R3HCC1L: variants seen among roughly 807,000 people sequenced by gnomAD.
R3HCC1L encodes the protein coiled-coil domain-containing protein R3HCC1L.
R3HCC1L carries 51 observed loss-of-function variants against 59.9 expected under a neutral mutation model. The observed-to-expected ratio is 0.85, with a 90% CI of 0.68 to 1.07. The LOEUF (loss-of-function observed/expected upper bound fraction) is 1.07, where lower values mean the gene tolerates loss of function less well. R3HCC1L is among the 50% of genes least tolerant of loss of function. R3HCC1L has a pLI of 0.00. For synonymous variants in R3HCC1L, 322 were observed against 315.2 expected (o/e 1.02, Z -0.23); for missense variants, 965 against 933.0 (o/e 1.03, Z -0.45).
At chr10:98,205,883 C>G (rs1403633705) in intron 4 of R3HCC1L, among the ~76,000 whole-genome samples, 1 of 152,088 alleles carries the variant, frequency 6.6e-6, no homozygotes, top group African/African-American at 2.4e-5. Context: ...GTCATCCAGC[C>G]TTTATCTAAA....
chr10:98,208,770 A>C lies in R3HCC1L; in HGVS notation c.656A>C (p.Glu219Ala), dbSNP rs1256417440. The change falls in exon 5 of 10, where the codon GAG becomes GCG. Residue 219 changes from glutamate (E) to alanine (A), a missense_variant. Transcript: ENST00000298999. Reference protein sequence around the residue: ...TDTKVLEILYEFPRVFSSVMK... With the variant: ...TDTKVLEILYAFPRVFSSVMK... Reference sequence around the variant, plus strand: ...ACCAAGGTTTTGGAGATACTATATGAGTTTCCTAGAGTTTTTAGTTCTGTC... The same window carrying C: ...ACCAAGGTTTTGGAGATACTATATGCGTTTCCTAGAGTTTTTAGTTCTGTC... 6.2e-7 allele frequency: 1 copy of C among 1,614,068 alleles called. No individual in the cohort carries two copies. The highest frequency in any genetic ancestry group is 2.2e-5 in the East Asian group (1 of 44,864).
At chr10:98,201,907 G>T (rs1478699446) in intron 4 of R3HCC1L, among the ~76,000 whole-genome samples, 3 of 143,940 alleles carry the variant, frequency 2.1e-5, no homozygotes, top group African/African-American at 5.2e-5. Context: ...TTTTTAAAGA[G>T]ACGGGGTCTC....
chr10:98,228,031 G>C (rs1051766794), intron 5 of R3HCC1L, among the ~76,000 whole-genome samples: 3 of 152,104 alleles, frequency 2.0e-5, no homozygotes, highest in African/African-American at 7.2e-5. Context: ...GAAAAGAGCC[G>C]CAACAAACAT....
rs139210796 is a variant in R3HCC1L at position 98,218,700 on chromosome 10, AG to A, written c.1785+8802del. Among the ~76,000 whole-genome samples the A allele has an allele frequency of 9.3e-3, 1,419 of 152,282 alleles. 28 individuals carry two copies. Among genetic ancestry groups the A allele is most frequent in the African/African-American group, 0.033 (1,371 of 41,536 alleles). ...TGTCTGTTAGGTCCATTTGGTTTAC[AG>A]TGCAGTGTAAATCCAATGTTTCTCT... On this transcript the variant is annotated intron_variant, in intron 5 of 9. Coordinates refer to ENST00000298999, the MANE Select transcript of R3HCC1L (RefSeq NM_001351015.2).
At chr10:98,150,589 C>T (rs759878651) in intron 1 of R3HCC1L, among the ~76,000 whole-genome samples, 17 of 151,992 alleles carry the variant, frequency 1.1e-4, no homozygotes, top group Non-Finnish European at 2.4e-4. Flanking sequence ...CCAGGTTTGC[C>T]TCGGTTCTAG....
intron 1 of R3HCC1L, among the ~76,000 whole-genome samples, chr10:98,151,914 C>T (rs1261249057): frequency 2.0e-5 from 3 of 152,046 alleles, no homozygotes; most frequent in Non-Finnish European, 2.9e-5. Flanking sequence ...CGCTCTCTCT[C>T]TCTCCCTCTC....
intron 5 of R3HCC1L, among the ~76,000 whole-genome samples, chr10:98,213,948 A>C (rs928719472): frequency 1.8e-4 from 28 of 152,144 alleles, no homozygotes; most frequent in Non-Finnish European, 2.5e-4. Flanking sequence ...GAAGAATCTG[A>C]GTGAATTATG....
chr10:98,144,236 G>A (rs531170872), intron 1 of R3HCC1L, among the ~76,000 whole-genome samples: 13 of 152,186 alleles, frequency 8.5e-5, no homozygotes, highest in Admixed American at 2.6e-4. Flanking sequence ...TCATTCCCGA[G>A]ATGGAGTCTT....
intron 5 of R3HCC1L, among the ~76,000 whole-genome samples, chr10:98,222,103 T>A (rs1181020013): frequency 6.6e-6 from 1 of 152,216 alleles, no homozygotes; most frequent in Non-Finnish European, 1.5e-5. Context: ...ACATCCCTTG[T>A]AAGTTGGATT....
At chr10:98,197,511 A>G (rs1029441318) in intron 4 of R3HCC1L, among the ~76,000 whole-genome samples, 5 of 152,086 alleles carry the variant, frequency 3.3e-5, no homozygotes, top group African/African-American at 1.2e-4. Flanking sequence ...TGATTGATTG[A>G]TTGTCTTCAC....
intron 4 of R3HCC1L, among the ~76,000 whole-genome samples, chr10:98,191,764 C>T (rs1021131006): frequency 2.8e-4 from 43 of 152,216 alleles, no homozygotes; most frequent in Non-Finnish European, 2.2e-4. Context: ...AGGTTTTCTC[C>T]TAGGGTTTTT....
In R3HCC1L at chr10:98,244,084, T is replaced by C. The variant is rs1345453350; in HGVS notation, c.2270-7T>C. 2 of 1,613,628 alleles carry C rather than the reference T, an allele frequency of 1.2e-6. No individual in the cohort carries two copies. Among genetic ancestry groups the C allele is most frequent in the Non-Finnish European group, 1.7e-6 (2 of 1,179,632 alleles). ...ACAACTGTGGTTAATACTGCTCTTA[T>C]TTACAGAGAGAAAGCGGTTGGAAGC... On this transcript the variant is annotated splice_polypyrimidine_tract_variant and splice_region_variant and intron_variant, in intron 9 of 9. Transcript: ENST00000298999.
chr10:98,143,055 C>G (rs1426608904), intron 1 of R3HCC1L, among the ~76,000 whole-genome samples: 1 of 151,942 alleles, frequency 6.6e-6, no homozygotes, highest in African/African-American at 2.4e-5. Flanking sequence ...ACCATATTAA[C>G]CTTTTCTAAA....
At chr10:98,235,859 GC>G (rs1856881407) in intron 8 of R3HCC1L, among the ~76,000 whole-genome samples, 164 bp from the exon 9 acceptor site, 1 of 152,148 alleles carries the variant, frequency 6.6e-6, no homozygotes, top group African/African-American at 2.4e-5. Flanking sequence ...TTTGTGCTTT[GC>G]CATGTTAATT....
At chr10:98,241,222 G>T (rs969097112) in intron 9 of R3HCC1L, among the ~76,000 whole-genome samples, 1 of 152,070 alleles carries the variant, frequency 6.6e-6, no homozygotes, top group Non-Finnish European at 1.5e-5. Context: ...CACAAAGCAT[G>T]TTGTCTATTG....
chr10:98,165,505 ATCTTG>A (rs1020333325), intron 4 of R3HCC1L, among the ~76,000 whole-genome samples: 2 of 152,188 alleles, frequency 1.3e-5, no homozygotes, highest in Admixed American at 1.3e-4. Context: ...ACAAATGTAC[ATCTTG>A]TTATTTATTT....
chr10:98,194,641 A>G (rs1851225732), intron 4 of R3HCC1L, among the ~76,000 whole-genome samples: 1 of 152,182 alleles, frequency 6.6e-6, no homozygotes, highest in Non-Finnish European at 1.5e-5. Context: ...AAATAATCTG[A>G]ATAAAAAATG....
chr10:98,216,768 A>G (rs931478965), intron 5 of R3HCC1L, among the ~76,000 whole-genome samples: 1 of 151,940 alleles, frequency 6.6e-6, no homozygotes, highest in African/African-American at 2.4e-5. Flanking sequence ...TTTGTAGAGG[A>G]GGACTCTTGT....
intron 4 of R3HCC1L, among the ~76,000 whole-genome samples, chr10:98,200,249 G>T (rs546769284): frequency 7.2e-6 from 1 of 138,368 alleles, no homozygotes; most frequent in Non-Finnish European, 1.6e-5. Context: ...TATTTACTTC[G>T]TGTGATTGAG....
Sources: allele counts gnomAD v4.1 joint callset (sites outside exome capture counted in the v4.1 genomes callset), GRCh38; gene constraint gnomAD v4.1.1; transcripts MANE v1.5; gene names NCBI Gene and HGNC (gene_info 2026-07-23, HGNC 2026-07-21).